SCN8A: variants seen among roughly 807,000 people sequenced by gnomAD.
SCN8A encodes sodium voltage-gated channel alpha subunit 8.
A neutral mutation model predicts 184.1 loss-of-function variants in SCN8A; 30 were observed. That is an observed-to-expected ratio of 0.16 (90% CI 0.12 to 0.22). The LOEUF (loss-of-function observed/expected upper bound fraction) is 0.22, where lower values mean the gene tolerates loss of function less well. Ranked by LOEUF, SCN8A falls within the 10% of genes least tolerant of loss-of-function variation. The probability of loss-of-function intolerance (pLI) is 1.00; values close to 1 mark genes in which losing one functional copy is unlikely to be tolerated. For synonymous variants in SCN8A, 852 were observed against 907.0 expected (o/e 0.94, Z 1.09); for missense variants, 1,057 against 2,498.9 (o/e 0.42, Z 12.30).
In SCN8A at chr12:51,786,589, G is replaced by T; in HGVS notation, c.3990G>T (p.Val1330=). ...GCGCCATCCCCTCCATCATGAATGT[G>T]CTGCTGGTGTGTCTCATCTTCTGGC... is the stretch of plus-strand genomic sequence containing the variant. ...LVGAIPSIMN[V]LLVCLIFWLI... is the part of the protein sequence containing the mutation. The change falls in exon 22 of 27, where the codon GTG becomes GTT. Residue 1330 remains valine (V), a synonymous_variant. Coordinates refer to ENST00000627620, the MANE Select transcript of SCN8A (RefSeq NM_001330260.2). 6.2e-7 allele frequency: 1 copy of T among 1,614,196 alleles called. No individual in the cohort carries two copies. The highest frequency in any genetic ancestry group is 8.5e-7 in the Non-Finnish European group (1 of 1,180,040).
Position 51,810,307 on chromosome 12 carries a change from G to A in SCN8A, c.*2878G>A. 3.3e-6 allele frequency: 1 copy of A among 305,960 alleles called. No individual in the cohort carries two copies. The highest frequency in any genetic ancestry group is 4.2e-5 in the Admixed American group (1 of 23,544). The allele number at this position is 305,960 out of a possible 1,614,324, so 19.0% of individuals were successfully genotyped here. Reference sequence around the variant, plus strand: ...TCCTTCACCCACTGTCCTTCCACCTGCTCACTCACTCACTCTCTCACCCAT... The same window carrying A: ...TCCTTCACCCACTGTCCTTCCACCTACTCACTCACTCACTCTCTCACCCAT... On this transcript the variant is annotated 3_prime_UTR_variant, in exon 27 of 27. Coordinates refer to ENST00000627620, the MANE Select transcript of SCN8A (RefSeq NM_001330260.2).
Position 51,769,030 on chromosome 12 carries a change from T to G in SCN8A, c.3067T>G (p.Phe1023Val). 6.2e-7 allele frequency: 1 copy of G among 1,613,996 alleles called. No individual in the cohort carries two copies. The highest frequency in any genetic ancestry group is 1.1e-5 in the South Asian group (1 of 91,072). Residue 1023 changes from phenylalanine (F) to valine (V), a missense_variant, in exon 17 of 27, where the codon TTT becomes GTT. Transcript: ENST00000627620. ...LKVHAFMQAH[F>V]KQREADEVKP... ...GGTGCACGCCTTCATGCAGGCCCACTTTAAGCAGCGTGAGGCTGATGAGGT... is the reference window on the plus strand; with the variant it reads ...GGTGCACGCCTTCATGCAGGCCCACGTTAAGCAGCGTGAGGCTGATGAGGT...
chr12:51,769,124 A>C lies in SCN8A; in HGVS notation c.3161A>C (p.His1054Pro), dbSNP rs1060501009. 8 of 1,613,262 alleles carry C rather than the reference A, an allele frequency of 5.0e-6. No homozygotes were observed. The highest frequency in any genetic ancestry group is 6.8e-6 in the Non-Finnish European group (8 of 1,179,634). ...GCCAATCACACCGGTGCAGACATCC[A>C]CCGGAATGGTGACTTCCAGAAGAAT... ...CIANHTGADI[H>P]RNGDFQKNGN... The change falls in exon 17 of 27, where the codon CAC becomes CCC. Residue 1054 changes from histidine (H) to proline (P), a missense_variant. His to Pro is a moderately conservative substitution (Grantham distance 77). Transcript: ENST00000627620.
intron 1 of SCN8A, among the ~76,000 whole-genome samples, chr12:51,596,149 T>C (rs916456348): frequency 6.6e-6 from 1 of 152,360 alleles, no homozygotes; most frequent in Admixed American, 6.5e-5. Flanking sequence ...TAAGTGATTA[T>C]ACATGTTTGG....
intron 2 of SCN8A, among the ~76,000 whole-genome samples, chr12:51,677,936 A>C (rs1014786826): frequency 6.6e-6 from 1 of 152,208 alleles, no homozygotes; most frequent in Non-Finnish European, 1.5e-5. Context: ...ATATTATTGG[A>C]CTTCATGGGC....
chr12:51,619,506 A>C (rs750545526), intron 1 of SCN8A, among the ~76,000 whole-genome samples: 12 of 152,322 alleles, frequency 7.9e-5, no homozygotes, highest in Non-Finnish European at 1.3e-4. Context: ...ATTTCATATC[A>C]CTACAAATAA....
chr12:51,777,785 A>AT (rs1342496834), intron 20 of SCN8A, among the ~76,000 whole-genome samples: 1 of 152,138 alleles, frequency 6.6e-6, no homozygotes, highest in Non-Finnish European at 1.5e-5. Flanking sequence ...TTCTTACCTT[A>AT]TATGGTGCCT....
chr12:51,766,202 T>TA, intron 16 of SCN8A, 175 bp downstream of exon 16: 1 of 642,354 alleles, frequency 1.6e-6, no homozygotes. Context: ...GAGAGATACT[T>TA]ACAGAGTGCC....
intron 1 of SCN8A, among the ~76,000 whole-genome samples, chr12:51,634,653 A>ATT (rs1269981442): frequency 0.17 from 10,338 of 61,788 alleles, 440 homozygotes; most frequent in East Asian, 0.27. Flanking sequence ...TATTATTATT[A>ATT]TTATTTTTTT....
chr12:51,690,682 C>T (rs1476103312), intron 6 of SCN8A, among the ~76,000 whole-genome samples: 1 of 152,132 alleles, frequency 6.6e-6, no homozygotes, highest in African/African-American at 2.4e-5. Flanking sequence ...TCTTTTTCCC[C>T]TTTTTAACAT....
In SCN8A at chr12:51,731,335, C is replaced by G. The variant is rs534503645; in HGVS notation, c.1998+9427C>G. 2.0e-5 allele frequency among the ~76,000 whole-genome samples: 3 copies of G among 152,208 alleles called. No individual in the cohort carries two copies. In the East Asian group the frequency reaches 5.8e-4, roughly 29 times the overall value. On this transcript the variant is annotated intron_variant, in intron 12 of 26. Coordinates refer to ENST00000627620, the MANE Select transcript of SCN8A (RefSeq NM_001330260.2). ...TCACTGCACTGTTAACCTCTGCCAC[C>G]TGGGTCCTATGTTCAAGCGATTCTC...
chr12:51,694,163 C>T (rs2138725632), intron 6 of SCN8A, among the ~76,000 whole-genome samples: 1 of 152,322 alleles, frequency 6.6e-6, no homozygotes, highest in East Asian at 1.9e-4. Context: ...GAACTCCTGA[C>T]CTCAGGTGAT....
Position 51,788,682 on chromosome 12 carries a change from C to T in SCN8A, c.4228-13C>T. The stretch of plus-strand genomic sequence containing the variant: ...TTTATAGGCACCGTCTAATGACTGA[C>T]TCTGTTTGCCAGGCAACCTTCAAAG... On this transcript the variant is annotated splice_polypyrimidine_tract_variant and intron_variant, in intron 22 of 26. Coordinates refer to ENST00000627620, the MANE Select transcript of SCN8A (RefSeq NM_001330260.2). 3 of 1,604,180 alleles carry T rather than the reference C, an allele frequency of 1.9e-6. No homozygotes were observed. The highest frequency in any genetic ancestry group is 2.6e-6 in the Non-Finnish European group (3 of 1,174,166).
intron 1 of SCN8A, among the ~76,000 whole-genome samples, chr12:51,642,017 C>T (rs1295063102): frequency 6.6e-6 from 1 of 152,122 alleles, no homozygotes; most frequent in Non-Finnish European, 1.5e-5. Context: ...GTACTTTTTG[C>T]CCGCATTGTA....
At chr12:51,692,073 A>G (rs1184205711) in intron 6 of SCN8A, among the ~76,000 whole-genome samples, 2 of 152,090 alleles carry the variant, frequency 1.3e-5, no homozygotes, top group East Asian at 1.9e-4. Flanking sequence ...CTGTATACCA[A>G]GTTTTCTCGT....
At chr12:51,716,546 G>C (rs763997375) in intron 11 of SCN8A, among the ~76,000 whole-genome samples, 6 of 152,232 alleles carry the variant, frequency 3.9e-5, no homozygotes, top group South Asian at 2.1e-4. Context: ...GTGGCTGCAT[G>C]GTAGGGTGTA....
At chr12:51,602,701 T>C (rs1051585362) in intron 1 of SCN8A, among the ~76,000 whole-genome samples, 1 of 152,178 alleles carries the variant, frequency 6.6e-6, no homozygotes, top group Non-Finnish European at 1.5e-5. Flanking sequence ...AGAGGGTATG[T>C]GGTGTTTTTA....
chr12:51,671,352 C>G (rs759039236), intron 2 of SCN8A, among the ~76,000 whole-genome samples: 1 of 152,118 alleles, frequency 6.6e-6, no homozygotes, highest in Non-Finnish European at 1.5e-5. Flanking sequence ...TTTCTCCAGT[C>G]CTAAGTTCTC....
In SCN8A at chr12:51,806,244, C is replaced by CTCAAAGAGAAAGGGTGTCTCCA; in HGVS notation, c.4796-38_4796-37insTCAAAGAGAAAGGGTGTCTCCA. The CTCAAAGAGAAAGGGTGTCTCCA allele has an allele frequency of 6.7e-7, 1 of 1,489,336 alleles. No individual in the cohort carries two copies. The highest frequency in any genetic ancestry group is 8.9e-7 in the Non-Finnish European group (1 of 1,119,052). The allele number at this position is 1,489,336 out of a possible 1,614,324, so 92.3% of individuals were successfully genotyped here. On this transcript the variant is annotated intron_variant, in intron 26 of 26. Coordinates refer to ENST00000627620, the MANE Select transcript of SCN8A (RefSeq NM_001330260.2). This position sits in a 1 kb window ranked among gnomAD's most constrained non-coding sequence, Gnocchi z 8.7. ...AAAAATAAAGAGAAAGGGTGTCTCC[C>CTCAAAGAGAAAGGGTGTCTCCA]ATCTCAATAACATAACTTCTTCTAT...
Sources: gnomAD v4.1 joint callset for allele counts (sites outside exome capture counted in the v4.1 genomes callset) on GRCh38, gnomAD v4.1.1 for gene constraint, Gnocchi (gnomAD v3.1) non-coding constraint, MANE v1.5 for transcripts, NCBI Gene and HGNC (gene_info 2026-07-23, HGNC 2026-07-21) for gene names.